The following PLXDC2 variants were observed in gnomAD, a reference collection of about 807,000 sequenced individuals.
The protein encoded by PLXDC2 is plexin domain containing 2.
A neutral mutation model predicts 68.9 loss-of-function variants in PLXDC2; 40 were observed. The ratio of observed to expected loss-of-function variants is 0.58; its 90% CI spans 0.45 to 0.76. PLXDC2 has a LOEUF of 0.76. Ranked by LOEUF, PLXDC2 falls within the 30% of genes least tolerant of loss-of-function variation. The pLI is 0.00. For synonymous variants in PLXDC2, 243 were observed against 234.2 expected (o/e 1.04, Z -0.34); for missense variants, 644 against 661.9 (o/e 0.97, Z 0.30).
rs188403240 is a variant in PLXDC2 at position 20,112,545 on chromosome 10, G to C, written c.542-30750G>C. ...ACAGTATCCCATGGGCATATTTAGT[G>C]ACCTTTTTAATTTGTTAAGCTGTCA... is the stretch of plus-strand genomic sequence containing the variant. On this transcript the variant is annotated intron_variant, in intron 4 of 13. Transcript: ENST00000377252. 2.2e-3 allele frequency among the ~76,000 whole-genome samples: 337 copies of C among 152,194 alleles called. 2 individuals carry two copies. Among genetic ancestry groups the C allele is most frequent in the Non-Finnish European group, 5.0e-4 (34 of 68,006 alleles).
rs533085412 is a variant in PLXDC2 at position 20,234,356 on chromosome 10, A to G, written c.1313-10989A>G. 6.6e-5 allele frequency among the ~76,000 whole-genome samples: 10 copies of G among 152,320 alleles called. No individual in the cohort carries two copies. The East Asian group carries it at 1.9e-3, about 29-fold the overall frequency. On this transcript the variant is annotated intron_variant, in intron 12 of 13. Coordinates refer to ENST00000377252, the MANE Select transcript of PLXDC2 (RefSeq NM_032812.9). ...TTCCACATTCAAGACATACAGCTTT[A>G]TATTTCAGGAGACTTGGTGCTGCGG...
At chr10:20,024,639 T>G (rs1835366534) in intron 2 of PLXDC2, among the ~76,000 whole-genome samples, 1 of 152,120 alleles carries the variant, frequency 6.6e-6, no homozygotes, top group Admixed American at 6.6e-5. Flanking sequence ...TGTGTGCAGG[T>G]TTGTTACCTG....
At chr10:19,956,287 A>G (rs979814858) in intron 1 of PLXDC2, among the ~76,000 whole-genome samples, 2 of 152,202 alleles carry the variant, frequency 1.3e-5, no homozygotes, top group African/African-American at 4.8e-5. Context: ...GGGGTGTCTC[A>G]GCACTTGAAT....
intron 13 of PLXDC2, among the ~76,000 whole-genome samples, chr10:20,258,851 A>T (rs1053807421): frequency 2.0e-5 from 3 of 152,026 alleles, no homozygotes; most frequent in Admixed American, 6.6e-5. Context: ...ACCAAAAAAT[A>T]GAAAAAATTA....
chr10:20,176,599 T>C (rs149715750), intron 7 of PLXDC2, among the ~76,000 whole-genome samples: 1 of 152,306 alleles, frequency 6.6e-6, no homozygotes, highest in East Asian at 1.9e-4. Flanking sequence ...ATTTAGAGTG[T>C]GAAACATTTC....
intron 1 of PLXDC2, among the ~76,000 whole-genome samples, chr10:19,979,380 GA>G (rs1236593080): frequency 7.0e-6 from 1 of 143,140 alleles, no homozygotes; most frequent in Non-Finnish European, 1.5e-5. Context: ...TAGATAGATA[GA>G]TTTTTTTTTT....
chr10:20,050,074 G>A (rs1165778650), intron 3 of PLXDC2, among the ~76,000 whole-genome samples: 1 of 152,050 alleles, frequency 6.6e-6, no homozygotes, highest in Non-Finnish European at 1.5e-5. Context: ...ATGACCATCA[G>A]ACCTTCAACA....
At chr10:20,109,239 A>G (rs1833528176) in intron 4 of PLXDC2, among the ~76,000 whole-genome samples, 1 of 152,222 alleles carries the variant, frequency 6.6e-6, no homozygotes, top group East Asian at 1.9e-4. Flanking sequence ...TCTTGTTGCC[A>G]GGAGGCATTT....
At chr10:20,279,005 A>G (rs960435041) in intron 13 of PLXDC2, among the ~76,000 whole-genome samples, 2 of 152,192 alleles carry the variant, frequency 1.3e-5, no homozygotes, top group African/African-American at 4.8e-5. Context: ...CTTTTTGTCA[A>G]TACAAATAAC....
rs149217762 is a variant in PLXDC2 at position 20,145,045 on chromosome 10, T to A, written c.664+1628T>A. Among the ~76,000 whole-genome samples the A allele has an allele frequency of 3.9e-5, 6 of 152,316 alleles. No individual in the cohort carries two copies. In the East Asian group the frequency reaches 1.2e-3, roughly 29 times the overall value. ...ACTGTGGCTATAAGAAATCATTTTA[T>A]CTCCAGTACCCTGCATAGACACTTT... On this transcript the variant is annotated intron_variant, in intron 5 of 13. Transcript: ENST00000377252.
intron 4 of PLXDC2, among the ~76,000 whole-genome samples, chr10:20,076,074 T>C (rs1458001730): frequency 1.3e-5 from 2 of 152,168 alleles, no homozygotes; most frequent in East Asian, 1.9e-4. Flanking sequence ...CTGAAATACA[T>C]CACCCAATTG....
chr10:20,266,853 C>T (rs1288154196), intron 13 of PLXDC2, among the ~76,000 whole-genome samples: 2 of 152,094 alleles, frequency 1.3e-5, no homozygotes, highest in Non-Finnish European at 2.9e-5. Context: ...CAAGGGCAAG[C>T]ACAATGCTAA....
intron 9 of PLXDC2, among the ~76,000 whole-genome samples, chr10:20,178,478 A>G (rs1834558718): frequency 6.6e-6 from 1 of 152,074 alleles, no homozygotes; most frequent in Non-Finnish European, 1.5e-5. Context: ...TCTGCCTGAG[A>G]ATAAGTCCCT....
intron 1 of PLXDC2, among the ~76,000 whole-genome samples, chr10:19,846,541 A>G (rs554553625): frequency 2.6e-5 from 4 of 152,274 alleles, no homozygotes; most frequent in Non-Finnish European, 4.4e-5. Flanking sequence ...AACTCCTACT[A>G]TAAACTTTTT....
At chr10:20,228,864 T>TA (rs1019281952) in intron 12 of PLXDC2, among the ~76,000 whole-genome samples, 20 of 151,738 alleles carry the variant, frequency 1.3e-4, no homozygotes, top group South Asian at 6.3e-4. Context: ...CAAGTCAAGT[T>TA]AAAAAAAACA....
intron 2 of PLXDC2, among the ~76,000 whole-genome samples, chr10:20,015,075 AG>A (rs1400788042): frequency 6.6e-6 from 1 of 152,218 alleles, no homozygotes; most frequent in African/African-American, 2.4e-5. Context: ...AGTTGACAGC[AG>A]GGAATCAGAA....
intron 7 of PLXDC2, among the ~76,000 whole-genome samples, chr10:20,175,508 C>G (rs778647668): frequency 7.9e-5 from 12 of 152,042 alleles, no homozygotes; most frequent in South Asian, 2.1e-4. Flanking sequence ...ATAGCAAGAC[C>G]CTGTTTCTAC....
At position 19,842,855 on chromosome 10, in the gene PLXDC2, C is replaced by G. The variant is rs75017621; in HGVS notation, c.112+25664C>G. ...GAGCTTTCTTTTTTGCTCTATAAAG[C>G]CTTCTTATCTTTTGACGTCATGTTT... On this transcript the variant is annotated intron_variant, in intron 1 of 13. Coordinates refer to ENST00000377252, the MANE Select transcript of PLXDC2 (RefSeq NM_032812.9). Among the ~76,000 whole-genome samples, 373 of 152,064 alleles carry G rather than the reference C, an allele frequency of 2.5e-3. 9 individuals are homozygous for G. In the East Asian group the frequency reaches 0.053, roughly 22 times the overall value.
At chr10:20,008,512 C>G (rs1247141639) in intron 2 of PLXDC2, among the ~76,000 whole-genome samples, 1 of 152,156 alleles carries the variant, frequency 6.6e-6, no homozygotes, top group Non-Finnish European at 1.5e-5. Context: ...GAGATCGTGT[C>G]ATGACACTCC....
Sources: allele counts gnomAD v4.1 joint callset (sites outside exome capture counted in the v4.1 genomes callset), GRCh38; gene constraint gnomAD v4.1.1; transcripts MANE v1.5; gene names NCBI Gene and HGNC (gene_info 2026-07-23, HGNC 2026-07-21).